The following FNBP1L variants were observed in gnomAD, a reference collection of about 807,000 sequenced individuals.
FNBP1L encodes formin-binding protein 1-like.
In FNBP1L, 36 loss-of-function variants were observed where a neutral mutation model predicts 91.2. That is an observed-to-expected ratio of 0.39 (90% confidence interval 0.30 to 0.52). The LOEUF (loss-of-function observed/expected upper bound fraction) is 0.52. Ranked by LOEUF, FNBP1L falls within the 20% of genes least tolerant of loss-of-function variation. The pLI is 0.66. For missense variants in FNBP1L, 571 were observed against 732.1 expected (o/e 0.78, Z 2.54); for synonymous variants, 242 against 237.0 (o/e 1.02, Z -0.19).
At chr1:93,463,379 G>A (rs937346684) in intron 1 of FNBP1L, among the ~76,000 whole-genome samples, 1 of 152,138 alleles carries the variant, frequency 6.6e-6, no homozygotes, top group Non-Finnish European at 1.5e-5. Context: ...AAAAATACAT[G>A]TTTGTATATT....
chr1:93,512,023 A>G (rs1347339043), intron 2 of FNBP1L, among the ~76,000 whole-genome samples: 1 of 150,700 alleles, frequency 6.6e-6, no homozygotes, highest in East Asian at 2.0e-4. Flanking sequence ...TATTCAGGAA[A>G]CCCATCTCAT....
intron 5 of FNBP1L, 24 bp from the exon 6 acceptor site, chr1:93,529,628 G>GTGAT: frequency 7.6e-7 from 1 of 1,318,004 alleles, no homozygotes; most frequent in Non-Finnish European, 1.0e-6. Context: ...TTTTCTCAGT[G>GTGAT]TGATATTTTA....
chr1:93,486,393 A>G (rs1207997828), intron 1 of FNBP1L, among the ~76,000 whole-genome samples: 2 of 152,108 alleles, frequency 1.3e-5, no homozygotes, highest in African/African-American at 4.8e-5. Context: ...TAATTCCATA[A>G]TTTTCAAGAA....
chr1:93,511,985 AAAAG>A (rs1670869137), intron 2 of FNBP1L, among the ~76,000 whole-genome samples: 2 of 150,740 alleles, frequency 1.3e-5, no homozygotes, highest in African/African-American at 2.4e-5. Context: ...AAAAAAAAAA[AAAAG>A]AGTCAAGACC....
chr1:93,530,951 CTT>C (rs1190277984), intron 7 of FNBP1L, 68 bp downstream of exon 7: 1 of 1,259,812 alleles, frequency 7.9e-7, no homozygotes, highest in East Asian at 2.7e-5. Context: ...ACTTGTAAGT[CTT>C]AGACATCAGA....
At chr1:93,530,623 T>C in intron 6 of FNBP1L, 132 bp from the exon 7 acceptor site, 2 of 884,046 alleles carry the variant, frequency 2.3e-6, no homozygotes, top group South Asian at 1.7e-5. Flanking sequence ...AAAAAAGTTA[T>C]GCCACGTCAT....
At chr1:93,457,802 T>A (rs1330913536) in intron 1 of FNBP1L, among the ~76,000 whole-genome samples, 1 of 151,044 alleles carries the variant, frequency 6.6e-6, no homozygotes, top group Non-Finnish European at 1.5e-5. Context: ...TTATTATTAA[T>A]TTTTTTTGAG....
chr1:93,507,103 A>ACT (rs1670657210), intron 2 of FNBP1L, among the ~76,000 whole-genome samples: 6 of 52,616 alleles, frequency 1.1e-4, no homozygotes, highest in African/African-American at 4.0e-4. Flanking sequence ...ACACACACAC[A>ACT]CACACTCTCT....
chr1:93,451,020 C>T (rs1452358047), intron 1 of FNBP1L, among the ~76,000 whole-genome samples: 1 of 152,170 alleles, frequency 6.6e-6, no homozygotes, highest in Admixed American at 6.5e-5. Context: ...GCTGTGCTTA[C>T]AGGGATTTCT....
At chr1:93,546,565 A>G (rs1672245439) in intron 12 of FNBP1L, among the ~76,000 whole-genome samples, 1 of 152,046 alleles carries the variant, frequency 6.6e-6, no homozygotes, top group Non-Finnish European at 1.5e-5. Flanking sequence ...GTGTGTGTGT[A>G]TATGTACATA....
chr1:93,521,811 T>C (rs919406714), intron 2 of FNBP1L, among the ~76,000 whole-genome samples: 1 of 152,232 alleles, frequency 6.6e-6, no homozygotes, highest in African/African-American at 2.4e-5. Context: ...TTAACTATTT[T>C]CTTATTTGAT....
intron 2 of FNBP1L, among the ~76,000 whole-genome samples, chr1:93,515,880 A>G (rs1478533356): frequency 1.3e-5 from 2 of 152,100 alleles, no homozygotes; most frequent in African/African-American, 2.4e-5. Flanking sequence ...TAACTTGCAC[A>G]TTGTGCACAT....
intron 2 of FNBP1L, among the ~76,000 whole-genome samples, chr1:93,501,088 C>G (rs1189072072): frequency 6.6e-6 from 1 of 151,830 alleles, no homozygotes; most frequent in African/African-American, 2.4e-5. Context: ...AATAAAAATT[C>G]TATTTAAATT....
At chr1:93,475,539 A>C (rs1021299671) in intron 1 of FNBP1L, among the ~76,000 whole-genome samples, 5 of 152,278 alleles carry the variant, frequency 3.3e-5, no homozygotes, top group Non-Finnish European at 4.4e-5. Context: ...ACCCTGTCTC[A>C]AAAAAACTCC....
intron 3 of FNBP1L, among the ~76,000 whole-genome samples, chr1:93,522,358 A>G (rs1671358263): frequency 6.6e-6 from 1 of 152,126 alleles, no homozygotes; most frequent in South Asian, 2.1e-4. Flanking sequence ...ACAGATTTTC[A>G]ATTAAAATGT....
chr1:93,496,606 G>A (rs1477864165), intron 1 of FNBP1L, among the ~76,000 whole-genome samples: 1 of 152,080 alleles, frequency 6.6e-6, no homozygotes, highest in Non-Finnish European at 1.5e-5. Flanking sequence ...GTCTTAACAT[G>A]TTGCTAAGGC....
chr1:93,533,885 A>G (rs964228719), intron 8 of FNBP1L, among the ~76,000 whole-genome samples: 2 of 152,130 alleles, frequency 1.3e-5, no homozygotes, highest in African/African-American at 4.8e-5. Context: ...AGCATTACTG[A>G]CAAAAGTAAG....
chr1:93,475,692 AAATC>A (rs1393332631), intron 1 of FNBP1L, among the ~76,000 whole-genome samples: 17 of 152,370 alleles, frequency 1.1e-4, no homozygotes, highest in African/African-American at 4.1e-4. Flanking sequence ...GTAAACATAA[AAATC>A]AATTAACATA....
intron 1 of FNBP1L, among the ~76,000 whole-genome samples, chr1:93,498,011 A>G: frequency 6.6e-6 from 1 of 152,040 alleles, no homozygotes; most frequent in Non-Finnish European, 1.5e-5. Context: ...TTTCATTTTC[A>G]TCTCTTTTTA....
Sources: gnomAD v4.1 joint callset for allele counts (sites outside exome capture counted in the v4.1 genomes callset) on GRCh38, gnomAD v4.1.1 for gene constraint, MANE v1.5 for transcripts, NCBI Gene and HGNC (gene_info 2026-07-23, HGNC 2026-07-21) for gene names.